TOMM70: variants seen among roughly 807,000 people sequenced by gnomAD.
The protein encoded by TOMM70 is mitochondrial import receptor subunit TOM70.
Under a neutral mutation model 73.6 loss-of-function variants are expected in TOMM70, and 13 were observed. The ratio of observed to expected loss-of-function variants is 0.18; its 90% CI spans 0.11 to 0.28. TOMM70 has a LOEUF of 0.28. TOMM70 is among the 10% of genes least tolerant of loss of function. The pLI is 1.00. For missense variants in TOMM70, 609 were observed against 747.5 expected, an observed-to-expected ratio of 0.81 and a Z score of 2.16; for synonymous variants, 257 against 271.2, an observed-to-expected ratio of 0.95 and a Z score of 0.51.
intron 5 of TOMM70, among the ~76,000 whole-genome samples, chr3:100,378,775 G>C (rs1034761455): frequency 1.3e-5 from 2 of 152,180 alleles, no homozygotes; most frequent in African/African-American, 4.8e-5. Flanking sequence ...GGGAGGCAGA[G>C]GTGGGCGGAT....
At chr3:100,383,144 T>C (rs1284470304) in intron 4 of TOMM70, among the ~76,000 whole-genome samples, 1 of 152,162 alleles carries the variant, frequency 6.6e-6, no homozygotes, top group East Asian at 1.9e-4. Context: ...GTTCAATTTA[T>C]GGACTCTACC....
chr3:100,378,185 G>C (rs947056666), intron 5 of TOMM70, among the ~76,000 whole-genome samples: 1 of 152,020 alleles, frequency 6.6e-6, no homozygotes, highest in Non-Finnish European at 1.5e-5. Flanking sequence ...GGAGGTTGCA[G>C]TGAGCCGAGA....
intron 5 of TOMM70, among the ~76,000 whole-genome samples, chr3:100,380,597 A>C (rs1277882562): frequency 1.3e-5 from 2 of 152,200 alleles, no homozygotes; most frequent in Non-Finnish European, 2.9e-5. Flanking sequence ...ACCATCTCTC[A>C]GTAAAGCTTT....
At position 100,363,754 on chromosome 3, in the gene TOMM70, A is replaced by G. The variant is rs765697645; in HGVS notation, c.*1810T>C. 17 of 152,580 alleles carry G rather than the reference A, an allele frequency of 1.1e-4. No individual in the cohort carries two copies. Among genetic ancestry groups the G allele is most frequent in the Admixed American group, 1.3e-4 (2 of 15,280 alleles). 9.5% of individuals were successfully genotyped at this position (152,580 alleles called of 1,614,324 possible). A position where few individuals can be genotyped will look rare whatever the true frequency, so the allele number is the denominator to read the frequency against. On this transcript the variant is annotated 3_prime_UTR_variant, in exon 12 of 12. Coordinates refer to ENST00000284320, the MANE Select transcript of TOMM70 (RefSeq NM_014820.5). ...CAGAGGTCATTCAGAGATGTAGAAC[A>G]TTTCTGTATTTGGGGGTTATCAGAA...
chr3:100,368,865 C>T (rs940035455), intron 10 of TOMM70, among the ~76,000 whole-genome samples, 173 bp downstream of exon 10: 4 of 152,174 alleles, frequency 2.6e-5, no homozygotes, highest in Admixed American at 6.5e-5. Context: ...TAAGCCACTG[C>T]GCCTGGCCTC....
In TOMM70 at chr3:100,384,449, T is replaced by TC. The variant is rs1165204735; in HGVS notation, c.735+29dup. 3 of 1,499,998 alleles carry TC rather than the reference T, an allele frequency of 2.0e-6. No individual in the cohort carries two copies. In the East Asian group the frequency reaches 6.8e-5, roughly 34 times the overall value. The allele number at this position is 1,499,998 out of a possible 1,614,324, so 92.9% of individuals were successfully genotyped here. A position where few individuals can be genotyped will look rare whatever the true frequency, so the allele number is the denominator to read the frequency against. ...ATACCCTTCACAATGTACACAGTAC[T>TC]CCCCCATTCCCCAAATCAGATCAAT... is the stretch of plus-strand genomic sequence containing the variant. On this transcript the variant is annotated intron_variant, in intron 4 of 11. Coordinates refer to ENST00000284320, the MANE Select transcript of TOMM70 (RefSeq NM_014820.5).
chr3:100,373,742 C>T, intron 7 of TOMM70, 97 bp from the exon 8 acceptor site: 3 of 669,382 alleles, frequency 4.5e-6, no homozygotes, highest in Non-Finnish European at 7.4e-6. Context: ...TAATGCTGAG[C>T]ATGTAGTAGT....
At position 100,364,013 on chromosome 3, in the gene TOMM70, C is replaced by A. The variant is rs12591; in HGVS notation, c.*1551G>T. On this transcript the variant is annotated 3_prime_UTR_variant, in exon 12 of 12. Coordinates refer to ENST00000284320, the MANE Select transcript of TOMM70 (RefSeq NM_014820.5). ...GGGGTGTAAAAATGCTCCTTTACTC[C>A]CAACAGTGTAAACCATAATTATAAT... 1 of 151,986 alleles carries A rather than the reference C, an allele frequency of 6.6e-6. No individual in the cohort carries two copies. The highest frequency in any genetic ancestry group is 1.5e-5 in the Non-Finnish European group (1 of 67,974). 9.4% of individuals were successfully genotyped at this position (151,986 alleles called of 1,614,324 possible).
chr3:100,392,326 T>C (rs1351782628), intron 1 of TOMM70, among the ~76,000 whole-genome samples: 1 of 152,202 alleles, frequency 6.6e-6, no homozygotes, highest in Non-Finnish European at 1.5e-5. Flanking sequence ...TCCAATATTA[T>C]TCAAGTGAGA....
At chr3:100,387,128 C>G in intron 1 of TOMM70, 150 bp from the exon 2 acceptor site, 2 of 811,876 alleles carry the variant, frequency 2.5e-6, no homozygotes, top group Non-Finnish European at 3.8e-6. Context: ...GGAATAGATT[C>G]TAACTAGTAG....
intron 8 of TOMM70, among the ~76,000 whole-genome samples, chr3:100,373,228 T>G (rs1299072450): frequency 6.6e-6 from 1 of 152,078 alleles, no homozygotes; most frequent in Non-Finnish European, 1.5e-5. Context: ...GAGAGCAAGT[T>G]ACATGGTGTC....
chr3:100,383,417 G>A (rs1576215108), intron 4 of TOMM70, among the ~76,000 whole-genome samples: 2 of 152,036 alleles, frequency 1.3e-5, no homozygotes, highest in East Asian at 3.8e-4. Context: ...CAGCTACTTG[G>A]GAGACTGAGG....
rs900071306 is a variant in TOMM70 at position 100,400,514 on chromosome 3, T to C, written c.324+112A>G. Reference sequence around the variant, plus strand: ...TGAGTCTCCCTAAACCCAAGTGTTGTGCTGCCGCTTGGCAGCTTCCGTCTG... The same window carrying C: ...TGAGTCTCCCTAAACCCAAGTGTTGCGCTGCCGCTTGGCAGCTTCCGTCTG... On this transcript the variant is annotated intron_variant, in intron 1 of 11. Transcript: ENST00000284320. 12 of 1,258,638 alleles carry C rather than the reference T, an allele frequency of 9.5e-6. No homozygotes were observed. The African/African-American group carries it at 1.4e-4, about 14-fold the overall frequency. 78.0% of individuals were successfully genotyped at this position (1,258,638 alleles called of 1,614,324 possible). A position where few individuals can be genotyped will look rare whatever the true frequency, so the allele number is the denominator to read the frequency against.
intron 1 of TOMM70, among the ~76,000 whole-genome samples, chr3:100,395,213 C>A (rs1250038545): frequency 6.6e-6 from 1 of 151,896 alleles, no homozygotes; most frequent in Non-Finnish European, 1.5e-5. Flanking sequence ...ACTAAAAATA[C>A]AAAAAATTAG....
intron 5 of TOMM70, among the ~76,000 whole-genome samples, chr3:100,378,492 C>G (rs1290252403): frequency 1.3e-5 from 2 of 152,072 alleles, no homozygotes; most frequent in African/African-American, 4.8e-5. Context: ...TGGGTAATAC[C>G]TCAGCTTAGA....
intron 2 of TOMM70, 132 bp from the exon 3 acceptor site, chr3:100,386,476 C>T: frequency 2.1e-6 from 2 of 972,388 alleles, no homozygotes; most frequent in Non-Finnish European, 2.9e-6. Context: ...GAGTTAATAT[C>T]TGCAATATAT....
In TOMM70 at chr3:100,368,913, A is replaced by C. The variant is rs1219770497; in HGVS notation, c.1550+125T>G. 4 of 653,880 alleles carry C rather than the reference A, an allele frequency of 6.1e-6. No individual in the cohort carries two copies. The East Asian group carries it at 1.1e-4, about 18-fold the overall frequency. The allele number at this position is 653,880 out of a possible 1,614,324, so 40.5% of individuals were successfully genotyped here. ...CTGTAAGAATGAAAAGACATCTAGG[A>C]GCATTAAGAAGTTTGTCAATTAACT... On this transcript the variant is annotated intron_variant, in intron 10 of 11. Transcript: ENST00000284320.
chr3:100,399,763 G>A (rs895817226), intron 1 of TOMM70, among the ~76,000 whole-genome samples: 1 of 139,094 alleles, frequency 7.2e-6, no homozygotes, highest in Non-Finnish European at 1.5e-5. Flanking sequence ...TTGTATGTGT[G>A]TGTAGGCCTG....
chr3:100,383,756 C>T (rs1256071417), intron 4 of TOMM70, among the ~76,000 whole-genome samples: 2 of 152,186 alleles, frequency 1.3e-5, no homozygotes, highest in South Asian at 2.1e-4. Context: ...ACAATTATCT[C>T]GCTATTACTG....
Sources: gnomAD v4.1 joint callset for allele counts (sites outside exome capture counted in the v4.1 genomes callset) on GRCh38, gnomAD v4.1.1 for gene constraint, MANE v1.5 for transcripts, NCBI Gene and HGNC (gene_info 2026-07-23, HGNC 2026-07-21) for gene names.